The following NEK6 variants were observed in gnomAD, a reference collection of about 807,000 sequenced individuals.
The protein encoded by NEK6 is serine/threonine-protein kinase Nek6.
In NEK6, 27 loss-of-function variants were observed where a neutral mutation model predicts 43.5. The observed-to-expected ratio is 0.62, with a 90% CI of 0.46 to 0.86. The LOEUF (loss-of-function observed/expected upper bound fraction) is 0.86. Among genes scored for constraint, NEK6 ranks in the 40% least tolerant of loss-of-function variants. The probability of loss-of-function intolerance (pLI) is 0.00; values close to 1 mark genes in which losing one functional copy is unlikely to be tolerated. For synonymous variants in NEK6, 167 were observed against 164.1 expected, an observed-to-expected ratio of 1.02 and a Z score of -0.14; for missense variants, 318 against 414.4, an observed-to-expected ratio of 0.77 and a Z score of 2.02.
chr9:124,259,943 G>C (rs772671189), intron 1 of NEK6, among the ~76,000 whole-genome samples: 19 of 152,216 alleles, frequency 1.2e-4, no homozygotes, highest in Admixed American at 3.9e-4. Context: ...TGGTGGGTTT[G>C]AACAAGGGCA....
intron 4 of NEK6, among the ~76,000 whole-genome samples, chr9:124,320,482 C>G (rs1350706151): frequency 6.6e-6 from 1 of 152,228 alleles, no homozygotes; most frequent in Non-Finnish European, 1.5e-5. Flanking sequence ...GGGAAATGTG[C>G]TCACTATCGG....
At chr9:124,338,037 G>A (rs374365263) in intron 7 of NEK6, among the ~76,000 whole-genome samples, 2 of 152,214 alleles carry the variant, frequency 1.3e-5, no homozygotes, top group South Asian at 2.1e-4. Flanking sequence ...CTGGAGTGCA[G>A]TGGCATGATC....
At chr9:124,259,809 A>C (rs1830958050) in intron 1 of NEK6, among the ~76,000 whole-genome samples, 1 of 152,186 alleles carries the variant, frequency 6.6e-6, no homozygotes, top group African/African-American at 2.4e-5. Flanking sequence ...GAAATGACTA[A>C]AAAGTAGTTT....
chr9:124,323,049 C>G (rs1834155215), intron 5 of NEK6, among the ~76,000 whole-genome samples: 1 of 152,224 alleles, frequency 6.6e-6, no homozygotes, highest in African/African-American at 2.4e-5. Context: ...GATTCCCTTG[C>G]TGAACATACA....
chr9:124,346,652 G>A (rs1448973814), intron 8 of NEK6, among the ~76,000 whole-genome samples: 1 of 152,176 alleles, frequency 6.6e-6, no homozygotes, highest in African/African-American at 2.4e-5. Context: ...CCCATTATGG[G>A]TTCATAATGG....
intron 8 of NEK6, among the ~76,000 whole-genome samples, chr9:124,341,086 G>A (rs767393468): frequency 3.9e-5 from 6 of 152,098 alleles, no homozygotes; most frequent in Non-Finnish European, 7.4e-5. Context: ...CTTGTCGCCC[G>A]GGCTGGAGGG....
intron 7 of NEK6, among the ~76,000 whole-genome samples, chr9:124,330,957 C>G (rs901108032): frequency 6.6e-6 from 1 of 152,156 alleles, no homozygotes; most frequent in African/African-American, 2.4e-5. Context: ...AAAAAGAGTT[C>G]AAAAAACATT....
chr9:124,342,617 C>T (rs946751196), intron 8 of NEK6, among the ~76,000 whole-genome samples: 1 of 152,268 alleles, frequency 6.6e-6, no homozygotes, highest in Non-Finnish European at 1.5e-5. Context: ...GAGGCTCCTG[C>T]AGCTTGCCAC....
intron 7 of NEK6, among the ~76,000 whole-genome samples, chr9:124,336,995 CAAAAAA>C (rs61536283): frequency 7.8e-6 from 1 of 127,518 alleles, no homozygotes; most frequent in Non-Finnish European, 1.7e-5. Context: ...GACTCTGTCT[CAAAAAA>C]AAAAAAAAAA....
rs1830876279 is a variant in NEK6 at position 124,258,041 on chromosome 9, C to T, written c.-74C>T. On this transcript the variant is annotated 5_prime_UTR_variant, in exon 1 of 10. Coordinates refer to ENST00000320246, the MANE Select transcript of NEK6 (RefSeq NM_014397.6). ...CGCACCGCTCCAGCCGCCCGCGGGCCAGCGCACCGGTCCCCCAGCGGCAGC... is the reference window on the plus strand; with the variant it reads ...CGCACCGCTCCAGCCGCCCGCGGGCTAGCGCACCGGTCCCCCAGCGGCAGC... 3.1e-6 allele frequency: 3 copies of T among 979,038 alleles called. No homozygotes were observed. The highest frequency in any genetic ancestry group is 6.4e-5 in the Admixed American group (1 of 15,696). 60.6% of individuals were successfully genotyped at this position (979,038 alleles called of 1,614,324 possible).
chr9:124,293,986 C>T (rs553431325), intron 1 of NEK6, among the ~76,000 whole-genome samples: 1 of 152,368 alleles, frequency 6.6e-6, no homozygotes, highest in East Asian at 1.9e-4. Flanking sequence ...CGCAGCCTCC[C>T]TGCAAGCTTG....
At chr9:124,335,498 T>C (rs1189381114) in intron 7 of NEK6, among the ~76,000 whole-genome samples, 1 of 152,238 alleles carries the variant, frequency 6.6e-6, no homozygotes, top group Non-Finnish European at 1.5e-5. Context: ...GAGCTTGGTA[T>C]CCTGATGAAG....
At chr9:124,283,321 C>G (rs147891219) in intron 1 of NEK6, among the ~76,000 whole-genome samples, 1 of 152,308 alleles carries the variant, frequency 6.6e-6, no homozygotes, top group Non-Finnish European at 1.5e-5. Flanking sequence ...TGCGACGGAG[C>G]CTCAGTGGGG....
rs1274879150 is a variant in NEK6 at position 124,292,879 on chromosome 9, C to T, written c.-29-9057C>T. The T allele has an allele frequency of 2.9e-5, 42 of 1,469,728 alleles. 1 individual carries two copies. The highest frequency in any genetic ancestry group is 5.2e-5 in the Admixed American group (2 of 38,652). 91.0% of individuals were successfully genotyped at this position (1,469,728 alleles called of 1,614,324 possible). On this transcript the variant is annotated intron_variant, in intron 1 of 9. Transcript: ENST00000320246. Reference sequence around the variant, plus strand: ...GAAGACACATGAATTAGAGACAGCACGGGGGAGCAGGCTGTGGAGCTGGGA... The same window carrying T: ...GAAGACACATGAATTAGAGACAGCATGGGGGAGCAGGCTGTGGAGCTGGGA...
intron 8 of NEK6, among the ~76,000 whole-genome samples, chr9:124,345,926 C>T (rs1388555912): frequency 6.6e-6 from 1 of 152,180 alleles, no homozygotes; most frequent in African/African-American, 2.4e-5. Flanking sequence ...GCTCCCAGCC[C>T]GCTCCTGGTC....
At chr9:124,325,599 C>G (rs1834294242) in intron 5 of NEK6, among the ~76,000 whole-genome samples, 1 of 152,276 alleles carries the variant, frequency 6.6e-6, no homozygotes, top group African/African-American at 2.4e-5. Context: ...ACCCCCGTCT[C>G]TAGCTGAGCC....
chr9:124,258,101 C>T lies in NEK6; in HGVS notation c.-30+16C>T. ...CCGCGCGCCGGTGAGTCGCCTGGGG[C>T]TGGGGCCGGGCCGGTGGGGCCCCGC... is the stretch of plus-strand genomic sequence containing the variant. On this transcript the variant is annotated intron_variant, in intron 1 of 9. Transcript: ENST00000320246. 4 of 978,884 alleles carry T rather than the reference C, an allele frequency of 4.1e-6. No individual in the cohort carries two copies. The highest frequency in any genetic ancestry group is 3.6e-6 in the Non-Finnish European group (3 of 827,412). The allele number at this position is 978,884 out of a possible 1,614,324, so 60.6% of individuals were successfully genotyped here.
intron 1 of NEK6, among the ~76,000 whole-genome samples, chr9:124,284,541 G>A (rs1234570157): frequency 2.0e-5 from 3 of 152,196 alleles, no homozygotes; most frequent in Non-Finnish European, 4.4e-5. Context: ...GCAAAGCTCC[G>A]GGGATTTTCT....
At chr9:124,259,484 G>A (rs917122368) in intron 1 of NEK6, 2 of 152,078 alleles carry the variant, frequency 1.3e-5, no homozygotes, top group African/African-American at 4.8e-5. Flanking sequence ...TCTTCTTTTA[G>A]CAAACAAAAC....
Sources: allele counts gnomAD v4.1 joint callset (sites outside exome capture counted in the v4.1 genomes callset), GRCh38; gene constraint gnomAD v4.1.1; transcripts MANE v1.5; gene names NCBI Gene and HGNC (gene_info 2026-07-23, HGNC 2026-07-21).